Variants in TTLL5 observed in about 807,000 individuals in gnomAD.
TTLL5 encodes tubulin tyrosine ligase like 5, also known as tubulin polyglutamylase TTLL5.
TTLL5 carries 132 observed loss-of-function variants against 168.4 expected under a neutral mutation model. The observed-to-expected ratio is 0.78, with a 90% CI of 0.68 to 0.91. TTLL5 has a LOEUF of 0.91. TTLL5 is among the 40% of genes least tolerant of loss of function. The pLI is 0.00. For missense variants in TTLL5, 1,545 were observed against 1,581.5 expected (o/e 0.98, Z 0.39); for synonymous variants, 546 against 558.6 (o/e 0.98, Z 0.32).
Position 75,933,312 on chromosome 14 carries a change from G to A in TTLL5, c.3824-21112G>A, listed in dbSNP as rs114754015. On this transcript the variant is annotated intron_variant, in intron 31 of 31. Transcript: ENST00000298832. ...TCTACAAAAAAAAATTAAAAAATTAGCCAGGCCGGGTGTGGTTGCATGTGC... is the reference window on the plus strand; with the variant it reads ...TCTACAAAAAAAAATTAAAAAATTAACCAGGCCGGGTGTGGTTGCATGTGC... Among the ~76,000 whole-genome samples, 529 of 152,166 alleles carry A rather than the reference G, an allele frequency of 3.5e-3. 4 individuals carry two copies. The highest frequency in any genetic ancestry group is 0.012 in the African/African-American group (493 of 41,500).
intron 27 of TTLL5, among the ~76,000 whole-genome samples, chr14:75,795,907 T>C (rs575005568): frequency 6.6e-6 from 1 of 152,334 alleles, no homozygotes; most frequent in East Asian, 1.9e-4. Context: ...TGCAAGTATC[T>C]TTTTCATATA....
intron 9 of TTLL5, chr14:75,709,219 A>C (rs778810515): frequency 1.3e-6 from 1 of 762,606 alleles, no homozygotes; most frequent in South Asian, 1.3e-5. Flanking sequence ...GGATAAAAGA[A>C]GGCTACCTAT....
intron 28 of TTLL5, among the ~76,000 whole-genome samples, chr14:75,857,889 G>A (rs370978680): frequency 4.8e-4 from 73 of 151,988 alleles, no homozygotes; most frequent in African/African-American, 1.6e-3. Flanking sequence ...GAACTTAAGC[G>A]ATCCGCCCAC....
intron 11 of TTLL5, among the ~76,000 whole-genome samples, chr14:75,720,382 G>C (rs1887766278): frequency 6.6e-6 from 1 of 152,120 alleles, no homozygotes; most frequent in African/African-American, 2.4e-5. Context: ...GTCATAAGAG[G>C]CCACCTGAGG....
intron 6 of TTLL5, among the ~76,000 whole-genome samples, chr14:75,698,925 G>T (rs8020779): frequency 0.06 from 9,143 of 151,368 alleles, 314 homozygotes; most frequent in Middle Eastern, 0.12. Context: ...AAAAAGAAAA[G>T]GAAAGAGGCG....
At chr14:75,715,933 A>C (rs1887422211) in intron 9 of TTLL5, among the ~76,000 whole-genome samples, 1 of 152,208 alleles carries the variant, frequency 6.6e-6, no homozygotes, top group Non-Finnish European at 1.5e-5. Context: ...AGTTAGATCA[A>C]GTACTTGTAG....
At chr14:75,786,346 A>G (rs944856394) in intron 26 of TTLL5, among the ~76,000 whole-genome samples, 1 of 152,186 alleles carries the variant, frequency 6.6e-6, no homozygotes, top group Non-Finnish European at 1.5e-5. Context: ...GATCCTTTCC[A>G]AGAGAATGAT....
intron 28 of TTLL5, among the ~76,000 whole-genome samples, chr14:75,845,237 AT>A (rs1896481272): frequency 6.6e-6 from 1 of 152,168 alleles, no homozygotes; most frequent in African/African-American, 2.4e-5. Context: ...GTGTACACCT[AT>A]TTTTAAACTA....
At chr14:75,858,863 A>G (rs965790733) in intron 28 of TTLL5, among the ~76,000 whole-genome samples, 29 of 152,212 alleles carry the variant, frequency 1.9e-4, no homozygotes, top group Admixed American at 3.3e-4. Flanking sequence ...CAGAAGCACC[A>G]CTGGCATTTT....
chr14:75,912,180 T>C (rs1370048090), intron 31 of TTLL5, among the ~76,000 whole-genome samples: 2 of 142,088 alleles, frequency 1.4e-5, no homozygotes, highest in Non-Finnish European at 1.6e-5. Context: ...GTTTCTCTCC[T>C]TTTTTTTTTT....
intron 15 of TTLL5, chr14:75,737,417 A>G: frequency 1.5e-6 from 1 of 678,792 alleles, no homozygotes; most frequent in Non-Finnish European, 2.4e-6. Flanking sequence ...TAAATGTTCT[A>G]ACCTTCCAAC....
Position 75,798,701 on chromosome 14 carries a change from A to G in TTLL5, c.3171+5601A>G, listed in dbSNP as rs772238502. The stretch of plus-strand genomic sequence containing the variant: ...CAGCTCAAGGAATTTTTACATTTCC[A>G]TATTGATTTCATTGTTGACCCAATG... On this transcript the variant is annotated intron_variant, in intron 27 of 31. Transcript: ENST00000298832. Among the ~76,000 whole-genome samples, 47 of 152,164 alleles carry G rather than the reference A, an allele frequency of 3.1e-4. No individual in the cohort carries two copies. In the Middle Eastern group the frequency reaches 0.014, roughly 44 times the overall value.
chr14:75,773,971 G>GAAAGAGAGAA (rs1566598297), intron 21 of TTLL5, among the ~76,000 whole-genome samples: 5 of 126,626 alleles, frequency 3.9e-5, no homozygotes, highest in African/African-American at 1.7e-4. Context: ...GAGAGAGAGA[G>GAAAGAGAGAA]AGAGAGAGAG....
At position 75,707,013 on chromosome 14, in the gene TTLL5, A is replaced by C; in HGVS notation, c.586-5A>C. 1.2e-6 allele frequency: 2 copies of C among 1,606,606 alleles called. No homozygotes were observed. The highest frequency in any genetic ancestry group is 1.7e-6 in the Non-Finnish European group (2 of 1,174,968). ...ATTCTTTCATTCTTTCTCTTTACTC[A>C]ATAGCCAAACCAGATCTCCCTGGAA... On this transcript the variant is annotated splice_region_variant and splice_polypyrimidine_tract_variant and intron_variant, in intron 7 of 31. Transcript: ENST00000298832.
intron 31 of TTLL5, among the ~76,000 whole-genome samples, chr14:75,926,151 C>G (rs1005810991): frequency 7.5e-6 from 1 of 133,938 alleles, no homozygotes; most frequent in African/African-American, 3.0e-5. Flanking sequence ...GGATTGCAAC[C>G]CCAGCTTTTT....
At chr14:75,825,684 A>C (rs1895082516) in intron 28 of TTLL5, among the ~76,000 whole-genome samples, 2 of 152,226 alleles carry the variant, frequency 1.3e-5, no homozygotes, top group Middle Eastern at 3.4e-3. Flanking sequence ...ACTAAAAAAA[A>C]TTCATATTCA....
intron 27 of TTLL5, among the ~76,000 whole-genome samples, chr14:75,801,138 A>G (rs1459061986): frequency 6.6e-6 from 1 of 152,156 alleles, no homozygotes; most frequent in African/African-American, 2.4e-5. Context: ...GAGAAAGACC[A>G]TCAGGTTGGG....
At position 75,768,215 on chromosome 14, in the gene TTLL5, A is replaced by T. The variant is rs76748032; in HGVS notation, c.2015+1847A>T. On this transcript the variant is annotated intron_variant, in intron 20 of 31. Coordinates refer to ENST00000298832, the MANE Select transcript of TTLL5 (RefSeq NM_015072.5). ...TGGGTAAGTCAGTAAAAAGGTCAAG[A>T]TGTAGCAGTTAGAGCAATAGACATA... 3.3e-3 allele frequency among the ~76,000 whole-genome samples: 505 copies of T among 152,324 alleles called. 6 individuals are homozygous for T. Among genetic ancestry groups the T allele is most frequent in the South Asian group, 0.02 (94 of 4,818 alleles).
intron 5 of TTLL5, chr14:75,684,776 T>C (rs974202007): frequency 6.6e-6 from 1 of 152,178 alleles, no homozygotes; most frequent in African/African-American, 2.4e-5. Flanking sequence ...CTGTTGTTTG[T>C]GGGAAATGAA....
Sources: allele counts gnomAD v4.1 joint callset (sites outside exome capture counted in the v4.1 genomes callset), GRCh38; gene constraint gnomAD v4.1.1; transcripts MANE v1.5; gene names NCBI Gene and HGNC (gene_info 2026-07-23, HGNC 2026-07-21).